Variants in RBM28 observed in about 807,000 individuals in gnomAD.
The protein encoded by RBM28 is RNA binding motif protein 28.
RBM28 carries 78 observed loss-of-function variants against 98.3 expected under a neutral mutation model. The observed-to-expected ratio is 0.79, with a 90% CI of 0.66 to 0.96. The LOEUF (loss-of-function observed/expected upper bound fraction) is 0.96. Ranked by LOEUF, RBM28 falls within the 40% of genes least tolerant of loss-of-function variation. The probability of loss-of-function intolerance (pLI) is 0.00; values close to 1 mark genes in which losing one functional copy is unlikely to be tolerated. For synonymous variants in RBM28, 306 were observed against 330.9 expected, an observed-to-expected ratio of 0.92 and a Z score of 0.82; for missense variants, 838 against 913.0, an observed-to-expected ratio of 0.92 and a Z score of 1.06.
intron 10 of RBM28, among the ~76,000 whole-genome samples, chr7:128,326,716 A>G (rs1315615413): frequency 1.3e-5 from 2 of 152,224 alleles, no homozygotes; most frequent in Non-Finnish European, 2.9e-5. Flanking sequence ...ACTATGACAC[A>G]GGCACTATGT....
intron 10 of RBM28, among the ~76,000 whole-genome samples, chr7:128,328,107 T>A (rs576528773): frequency 6.6e-6 from 1 of 152,302 alleles, no homozygotes; most frequent in African/African-American, 2.4e-5. Context: ...TCAGGTGACA[T>A]CTTCCCAAAC....
chr7:128,337,032 G>A, intron 6 of RBM28, 99 bp downstream of exon 6: 1 of 1,320,548 alleles, frequency 7.6e-7, no homozygotes. Flanking sequence ...ACTGCACCCA[G>A]CCTTTTTCTT....
In RBM28 at chr7:128,309,955, G is replaced by A. The variant is rs1470696016; in HGVS notation, c.*842C>T. 1 of 152,166 alleles carries A rather than the reference G, an allele frequency of 6.6e-6. No individual in the cohort carries two copies. The highest frequency in any genetic ancestry group is 2.4e-5 in the African/African-American group (1 of 41,416). 9.4% of individuals were successfully genotyped at this position (152,166 alleles called of 1,614,324 possible). On this transcript the variant is annotated 3_prime_UTR_variant, in exon 19 of 19. Transcript: ENST00000223073. ...AGAGCCCAGGGAATCAAATGTTATA[G>A]GAAGACAAGATTTCAATCAAAGTGA...
chr7:128,320,045 C>T (rs1325791499), intron 14 of RBM28, among the ~76,000 whole-genome samples: 1 of 151,770 alleles, frequency 6.6e-6, no homozygotes. Flanking sequence ...GGTGAAACCC[C>T]GTCTCCACTA....
intron 5 of RBM28, among the ~76,000 whole-genome samples, chr7:128,338,044 G>A (rs1584663137): frequency 6.6e-6 from 1 of 152,112 alleles, no homozygotes; most frequent in African/African-American, 2.4e-5. Context: ...ACTCTCACCA[G>A]ATAAAAGAAA....
chr7:128,311,276 C>T (rs1795978760), intron 18 of RBM28, among the ~76,000 whole-genome samples: 1 of 152,158 alleles, frequency 6.6e-6, no homozygotes, highest in African/African-American at 2.4e-5. Flanking sequence ...GTTCCCTCCC[C>T]AAGAACACTG....
At chr7:128,328,234 T>C (rs1176793375) in intron 10 of RBM28, among the ~76,000 whole-genome samples, 2 of 152,210 alleles carry the variant, frequency 1.3e-5, no homozygotes, top group East Asian at 3.8e-4. Flanking sequence ...TAAGGAAATA[T>C]GGGGAAAATG....
At chr7:128,312,948 T>A in intron 18 of RBM28, 1 of 567,334 alleles carries the variant, frequency 1.8e-6, no homozygotes, top group Non-Finnish European at 3.1e-6. Context: ...TTATGGGGAA[T>A]ATGTAAAACA....
At chr7:128,324,535 T>C (rs764323071) in intron 12 of RBM28, 24 bp downstream of exon 12, 1 of 1,614,114 alleles carries the variant, frequency 6.2e-7, no homozygotes, top group Non-Finnish European at 8.5e-7. Flanking sequence ...TACTTAGAAG[T>C]GTGGGTTACA....
In RBM28 at chr7:128,301,282, A is replaced by G. The variant is rs1795779014; in HGVS notation, c.*9515T>C. 1.3e-5 allele frequency: 2 copies of G among 152,220 alleles called. No homozygotes were observed. 9.4% of individuals were successfully genotyped at this position (152,220 alleles called of 1,614,324 possible). ...TTTTGCCTGTATTTTATAAATGAGCAAAGAGGACTGGAGGGTCTGAGTGAT... is the reference window on the plus strand; with the variant it reads ...TTTTGCCTGTATTTTATAAATGAGCGAAGAGGACTGGAGGGTCTGAGTGAT... On this transcript the variant is annotated 3_prime_UTR_variant, in exon 19 of 19. Transcript: ENST00000223073.
At chr7:128,319,466 T>A (rs1796175373) in intron 14 of RBM28, among the ~76,000 whole-genome samples, 1 of 152,256 alleles carries the variant, frequency 6.6e-6, no homozygotes, top group Non-Finnish European at 1.5e-5. Context: ...TGAGCAGTTT[T>A]ACTAACTGTG....
At chr7:128,341,176 T>C (rs1796716192) in intron 1 of RBM28, 13 of 1,289,856 alleles carry the variant, frequency 1.0e-5, no homozygotes, top group Non-Finnish European at 1.3e-5. Context: ...TTGAATCTCC[T>C]TCAGGGTATA....
At position 128,326,532 on chromosome 7, in the gene RBM28, T is replaced by A. The variant is rs954890737; in HGVS notation, c.1130-641A>T. Among the ~76,000 whole-genome samples, 8 of 152,340 alleles carry A rather than the reference T, an allele frequency of 5.3e-5. No homozygotes were observed. The South Asian group carries it at 6.2e-4, about 12-fold the overall frequency. ...TTACAACTGCCTACAACATTCAGTA[T>A]AACAACATGCTGTGCTGTACAGGTT... On this transcript the variant is annotated intron_variant, in intron 10 of 18. Coordinates refer to ENST00000223073, the MANE Select transcript of RBM28 (RefSeq NM_018077.3).
In RBM28 at chr7:128,338,749, T is replaced by C; in HGVS notation, c.425A>G (p.Glu142Gly). The C allele has an allele frequency of 6.2e-7, 1 of 1,609,452 alleles. No homozygotes were observed. The highest frequency in any genetic ancestry group is 1.3e-5 in the African/African-American group (1 of 74,916). Residue 142 changes from glutamate (E) to glycine (G), a missense_variant, in exon 4 of 19, where the codon GAA becomes GGA. By Grantham distance (98) the Glu-to-Gly change is moderately conservative. Coordinates refer to ENST00000223073, the MANE Select transcript of RBM28 (RefSeq NM_018077.3). ...ACCTGGTTTCCTAGGGATATTTACT[T>C]CCAGGACAGCTCCAAATTGAGCAAA... ...TVFAQFGAVL[E>G]VNIPRKPDGK...
chr7:128,341,124 A>C (rs774769166), intron 1 of RBM28: 24 of 1,281,816 alleles, frequency 1.9e-5, no homozygotes, highest in Non-Finnish European at 1.0e-6. Flanking sequence ...TTACCTGAAA[A>C]GGACACATAG....
At chr7:128,334,724 C>T (rs10236380) in intron 8 of RBM28, among the ~76,000 whole-genome samples, 34,734 of 152,076 alleles carry the variant, frequency 0.23, 4,327 homozygotes, top group Middle Eastern at 0.35. Flanking sequence ...TGTTATGGAA[C>T]GCACTGTGTT....
chr7:128,326,221 G>A (rs982733090), intron 10 of RBM28, among the ~76,000 whole-genome samples: 10 of 29,156 alleles, frequency 3.4e-4, no homozygotes, highest in African/African-American at 5.5e-4. Context: ...GGAGAATGGC[G>A]TAAACCTGGG....
chr7:128,307,483 A>G lies in RBM28; in HGVS notation c.*3314T>C, dbSNP rs1017448004. ...TCAAGACAAAAACATACCAAAGTACATTTTGAAGTATTTCGAAGAATGAAT... is the reference window on the plus strand; with the variant it reads ...TCAAGACAAAAACATACCAAAGTACGTTTTGAAGTATTTCGAAGAATGAAT... On this transcript the variant is annotated 3_prime_UTR_variant, in exon 19 of 19. Transcript: ENST00000223073. 5 of 152,144 alleles carry G rather than the reference A, an allele frequency of 3.3e-5. No homozygotes were observed. The highest frequency in any genetic ancestry group is 1.2e-4 in the African/African-American group (5 of 41,400). 9.4% of individuals were successfully genotyped at this position (152,144 alleles called of 1,614,324 possible).
Position 128,308,907 on chromosome 7 carries a change from G to A in RBM28, c.*1890C>T, listed in dbSNP as rs1209918906. ...CAGGAGAATCGCTTGAACCCAGGAG[G>A]CGGAGGTTGCAGTGAGCCAAGATCA... On this transcript the variant is annotated 3_prime_UTR_variant, in exon 19 of 19. Coordinates refer to ENST00000223073, the MANE Select transcript of RBM28 (RefSeq NM_018077.3). The A allele has an allele frequency of 6.8e-6, 1 of 148,112 alleles. No homozygotes were observed. The highest frequency in any genetic ancestry group is 1.5e-5 in the Non-Finnish European group (1 of 67,788). 9.2% of individuals were successfully genotyped at this position (148,112 alleles called of 1,614,324 possible).
Sources: allele counts gnomAD v4.1 joint callset (sites outside exome capture counted in the v4.1 genomes callset), GRCh38; gene constraint gnomAD v4.1.1; transcripts MANE v1.5; gene names NCBI Gene and HGNC (gene_info 2026-07-23, HGNC 2026-07-21).